The following PRKCQ variants were observed in gnomAD, a reference collection of about 807,000 sequenced individuals.
The protein encoded by PRKCQ is protein kinase C theta type.
PRKCQ carries 41 observed loss-of-function variants against 91.2 expected under a neutral mutation model. The ratio of observed to expected loss-of-function variants is 0.45; its 90% CI spans 0.35 to 0.58. The LOEUF (loss-of-function observed/expected upper bound fraction) is 0.58, where lower values mean the gene tolerates loss of function less well. Ranked by LOEUF, PRKCQ falls within the 20% of genes least tolerant of loss-of-function variation. The pLI is 0.00. For missense variants in PRKCQ, 673 were observed against 896.5 expected (o/e 0.75, Z 3.18); for synonymous variants, 307 against 316.9 (o/e 0.97, Z 0.33).
chr10:6,434,523 G>C (rs1588648853), intron 16 of PRKCQ, among the ~76,000 whole-genome samples: 1 of 152,216 alleles, frequency 6.6e-6, no homozygotes, highest in African/African-American at 2.4e-5. Flanking sequence ...AGGTCCTGAG[G>C]ATGACAGGTG....
At chr10:6,524,342 A>AT (rs1183612547) in intron 1 of PRKCQ, among the ~76,000 whole-genome samples, 2 of 152,150 alleles carry the variant, frequency 1.3e-5, no homozygotes, top group Non-Finnish European at 2.9e-5. Context: ...TAATTTATAG[A>AT]TTTTATGGCT....
intron 1 of PRKCQ, among the ~76,000 whole-genome samples, chr10:6,553,494 A>T (rs4750599): frequency 9.8e-6 from 1 of 101,762 alleles, no homozygotes; most frequent in Non-Finnish European, 1.9e-5. Flanking sequence ...TGTCTCAAAA[A>T]AAAAAAAAAA....
intron 1 of PRKCQ, among the ~76,000 whole-genome samples, chr10:6,563,435 T>G (rs1182495029): frequency 6.6e-6 from 1 of 151,874 alleles, no homozygotes; most frequent in Non-Finnish European, 1.5e-5. Context: ...TTGGGCCATC[T>G]CTCCTACCTT....
intron 4 of PRKCQ, among the ~76,000 whole-genome samples, chr10:6,500,180 A>G (rs1014052732): frequency 1.3e-5 from 2 of 152,222 alleles, no homozygotes; most frequent in Non-Finnish European, 1.5e-5. Context: ...GTTCTGGTCT[A>G]AATGTCCAAA....
chr10:6,469,302 A>C (rs1172307378), intron 12 of PRKCQ, among the ~76,000 whole-genome samples: 2 of 152,208 alleles, frequency 1.3e-5, no homozygotes, highest in Non-Finnish European at 2.9e-5. Context: ...ATCCCTCAAA[A>C]TTCTGCACCA....
intron 4 of PRKCQ, among the ~76,000 whole-genome samples, chr10:6,501,316 A>G (rs944924353): frequency 6.6e-6 from 1 of 152,088 alleles, no homozygotes; most frequent in African/African-American, 2.4e-5. Flanking sequence ...AAGATTGGGG[A>G]AGATGCATAA....
the PRKCQ span, among the ~76,000 whole-genome samples, chr10:6,413,143 G>T: frequency 2.0e-5 from 3 of 151,854 alleles, no homozygotes; most frequent in Admixed American, 6.6e-5. Flanking sequence ...TAGTAGAGAC[G>T]GGGTTTCACC....
At chr10:6,449,496 T>G (rs1834526610) in intron 15 of PRKCQ, among the ~76,000 whole-genome samples, 1 of 152,110 alleles carries the variant, frequency 6.6e-6, no homozygotes, top group Non-Finnish European at 1.5e-5. Context: ...GGAACCAAGT[T>G]GGAAAACACT....
intron 1 of PRKCQ, among the ~76,000 whole-genome samples, chr10:6,539,398 G>A (rs140299850): frequency 9.9e-4 from 150 of 152,170 alleles, no homozygotes; most frequent in African/African-American, 3.4e-3. Context: ...TGTCAGATCA[G>A]CCACAGCATT....
chr10:6,404,838 T>TCTTTCCTTCTTTCTTTCTCTTCCTTC, the PRKCQ span, among the ~76,000 whole-genome samples: 3 of 146,574 alleles, frequency 2.0e-5, no homozygotes, highest in Non-Finnish European at 3.0e-5. Context: ...CTTCTTTCTT[T>TCTTTCCTTCTTTCTTTCTCTTCCTTC]CTTTCTTTCC....
rs185981744 is a variant in PRKCQ at position 6,483,306 on chromosome 10, C to T, written c.1179+134G>A. The T allele has an allele frequency of 4.5e-4, 525 of 1,179,352 alleles. 2 individuals carry two copies. Among genetic ancestry groups the T allele is most frequent in the Non-Finnish European group, 5.7e-5 (47 of 820,372 alleles). The allele number at this position is 1,179,352 out of a possible 1,614,324, so 73.1% of individuals were successfully genotyped here. A position where few individuals can be genotyped will look rare whatever the true frequency, so the allele number is the denominator to read the frequency against. ...GCCCTCGGGGTCCCTATTTATTCAG[C>T]GCTCCCTCAGGAAAGCTGTCTCTGA... On this transcript the variant is annotated intron_variant, in intron 11 of 17. Coordinates refer to ENST00000263125, the MANE Select transcript of PRKCQ (RefSeq NM_006257.5).
chr10:6,472,309 G>A (rs781653291), intron 12 of PRKCQ, among the ~76,000 whole-genome samples: 112 of 151,596 alleles, frequency 7.4e-4, no homozygotes, highest in Non-Finnish European at 1.4e-3. Flanking sequence ...CTCCATCTCA[G>A]AAAAAAACAA....
At position 6,497,251 on chromosome 10, in the gene PRKCQ, C is replaced by T; in HGVS notation, c.543G>A (p.Trp181Ter). The T allele has an allele frequency of 6.2e-7, 1 of 1,614,046 alleles. No homozygotes were observed. The highest frequency in any genetic ancestry group is 8.5e-7 in the Non-Finnish European group (1 of 1,179,990). Residue 181 changes from tryptophan (W) to a stop codon, truncating the protein, a stop_gained and splice_region_variant, in exon 6 of 18, where the codon TGG becomes TGA. Transcript: ENST00000263125. LOFTEE classifies it high-confidence loss of function. This position sits in a 1 kb window ranked among gnomAD's most constrained non-coding sequence, Gnocchi z 4.5. Reference sequence around the variant, plus strand: ...ACTGGTAGCCCTGTTTGTTCAGGCCCCTGTAATAAAGCACACGCTGATTTA... The same window carrying T: ...ACTGGTAGCCCTGTTTGTTCAGGCCTCTGTAATAAAGCACACGCTGATTTA... ...TFCSVCHEFV[W>*]GLNKQGYQCR...
intron 15 of PRKCQ, among the ~76,000 whole-genome samples, chr10:6,453,155 A>T (rs1364034184): frequency 3.3e-5 from 5 of 150,576 alleles, no homozygotes; most frequent in African/African-American, 1.2e-4. Flanking sequence ...AATGGGAGAA[A>T]ATTTTCGCAA....
At chr10:6,578,606 G>C (rs1269526868) in intron 1 of PRKCQ, among the ~76,000 whole-genome samples, 1 of 152,116 alleles carries the variant, frequency 6.6e-6, no homozygotes, top group African/African-American at 2.4e-5. Flanking sequence ...CTCTCCCTAC[G>C]CCACGTCTTT....
rs1833175989 is a variant in PRKCQ at position 6,427,542 on chromosome 10, CAAGCG to C, written c.*660_*664del. 1 of 152,496 alleles carries C rather than the reference CAAGCG, an allele frequency of 6.6e-6. No homozygotes were observed. Among genetic ancestry groups the C allele is most frequent in the South Asian group, 2.1e-4 (1 of 4,830 alleles). The allele number at this position is 152,496 out of a possible 1,614,324, so 9.4% of individuals were successfully genotyped here. A position where few individuals can be genotyped will look rare whatever the true frequency, so the allele number is the denominator to read the frequency against. On this transcript the variant is annotated 3_prime_UTR_variant, in exon 18 of 18. Transcript: ENST00000263125. ...TATCTTTTCTATCTTGACAAGATAA[CAAGCG>C]AAGGTGTCTAGCAAACCTTCCCTCT...
At chr10:6,474,520 A>G (rs1403994798) in intron 12 of PRKCQ, among the ~76,000 whole-genome samples, 1 of 152,248 alleles carries the variant, frequency 6.6e-6, no homozygotes, top group Non-Finnish European at 1.5e-5. Context: ...ACTGTGTTAG[A>G]TGCATCTTTC....
At chr10:6,531,399 C>T (rs1211334928) in intron 1 of PRKCQ, among the ~76,000 whole-genome samples, 3 of 150,088 alleles carry the variant, frequency 2.0e-5, no homozygotes, top group Non-Finnish European at 4.4e-5. Context: ...TCACAAATGG[C>T]GGGAGGGTGT....
intron 14 of PRKCQ, among the ~76,000 whole-genome samples, chr10:6,461,775 G>A (rs1835364857): frequency 6.6e-6 from 1 of 152,106 alleles, no homozygotes. Context: ...AAATCTGACA[G>A]TAAGCTTGTA....
Sources: allele counts gnomAD v4.1 joint callset (sites outside exome capture counted in the v4.1 genomes callset), GRCh38; gene constraint gnomAD v4.1.1; non-coding constraint Gnocchi (gnomAD v3.1); transcripts MANE v1.5; gene names NCBI Gene and HGNC (gene_info 2026-07-23, HGNC 2026-07-21).